Variants in TMEM51 observed in about 807,000 individuals in gnomAD.
TMEM51 encodes chromosome 1 open reading frame 72.
Under a neutral mutation model 13.6 loss-of-function variants are expected in TMEM51, and 8 were observed. The ratio of observed to expected loss-of-function variants is 0.59; its 90% confidence interval spans 0.35 to 1.07. The LOEUF (loss-of-function observed/expected upper bound fraction) is 1.07, where lower values mean the gene tolerates loss of function less well. Among genes scored for constraint, TMEM51 ranks in the 50% least tolerant of loss-of-function variants. The pLI is 0.02. For missense variants in TMEM51, 279 were observed against 330.7 expected, an observed-to-expected ratio of 0.84 and a Z score of 1.21; for synonymous variants, 147 against 144.4, an observed-to-expected ratio of 1.02 and a Z score of -0.13.
intron 1 of TMEM51, among the ~76,000 whole-genome samples, chr1:15,180,137 C>T (rs543118484): frequency 2.3e-4 from 35 of 152,324 alleles, no homozygotes; most frequent in South Asian, 2.3e-3. Flanking sequence ...GCCCAGCCTG[C>T]GGTGGGCACC....
intron 1 of TMEM51, among the ~76,000 whole-genome samples, chr1:15,159,546 C>G (rs1484103388): frequency 6.6e-6 from 1 of 152,148 alleles, no homozygotes; most frequent in Non-Finnish European, 1.5e-5. Flanking sequence ...CCTGTTCTGG[C>G]ATTTCTTTTT....
At chr1:15,181,664 G>A (rs1439654866) in intron 1 of TMEM51, among the ~76,000 whole-genome samples, 1 of 152,216 alleles carries the variant, frequency 6.6e-6, no homozygotes, top group African/African-American at 2.4e-5. Flanking sequence ...ACCAGACGGG[G>A]CTCAAGGTGA....
intron 1 of TMEM51, among the ~76,000 whole-genome samples, chr1:15,167,072 A>G (rs1331060283): frequency 6.6e-6 from 1 of 152,156 alleles, no homozygotes; most frequent in African/African-American, 2.4e-5. Context: ...TCACGCCTGT[A>G]ATCCCAGCAC....
intron 1 of TMEM51, among the ~76,000 whole-genome samples, chr1:15,178,988 C>G (rs965368019): frequency 1.3e-5 from 2 of 152,168 alleles, no homozygotes; most frequent in Admixed American, 6.5e-5. Context: ...GTTCAACTTT[C>G]AAAGCTAAAT....
chr1:15,167,187 C>T (rs1242273823), intron 1 of TMEM51, among the ~76,000 whole-genome samples: 2 of 151,888 alleles, frequency 1.3e-5, no homozygotes, highest in Non-Finnish European at 1.5e-5. Flanking sequence ...ATTAGCCAGG[C>T]GTGGTGGCGG....
intron 1 of TMEM51, among the ~76,000 whole-genome samples, chr1:15,176,569 G>A (rs1264950862): frequency 1.3e-5 from 2 of 152,208 alleles, no homozygotes; most frequent in African/African-American, 4.8e-5. Context: ...GCAGAGGCTG[G>A]AAGATAGACC....
intron 1 of TMEM51, among the ~76,000 whole-genome samples, chr1:15,176,988 G>A (rs1010254671): frequency 1.3e-5 from 2 of 152,190 alleles, no homozygotes; most frequent in East Asian, 1.9e-4. Context: ...ATGGATATGG[G>A]CGGGAGTTGC....
intron 3 of TMEM51, among the ~76,000 whole-genome samples, chr1:15,216,969 T>G (rs1644441669): frequency 6.6e-6 from 1 of 152,230 alleles, no homozygotes; most frequent in Non-Finnish European, 1.5e-5. Context: ...TTTCTTTTCT[T>G]CATTAGATGT....
In TMEM51 at chr1:15,207,799, A is replaced by G. The variant is rs907984073; in HGVS notation, c.-266-2691A>G. ...GGAATACTGATACAGTCACTTTCTC[A>G]GGTCACAACGGAAATCACATTTATT... On this transcript the variant is annotated intron_variant, in intron 1 of 3. Transcript: ENST00000376008. This position sits in a 1 kb window ranked among gnomAD's most constrained non-coding sequence, Gnocchi z 4.6. Among the ~76,000 whole-genome samples the G allele has an allele frequency of 6.6e-6, 1 of 152,208 alleles. No individual in the cohort carries two copies. The highest frequency in any genetic ancestry group is 6.5e-5 in the Admixed American group (1 of 15,284).
At chr1:15,200,408 A>C (rs1044105663) in intron 1 of TMEM51, among the ~76,000 whole-genome samples, 1 of 16,536 alleles carries the variant, frequency 6.0e-5, no homozygotes, top group Non-Finnish European at 1.1e-4. Flanking sequence ...ACTCTGTCTC[A>C]AAAAAAAAAA....
chr1:15,178,752 C>T (rs1643524584), intron 1 of TMEM51, among the ~76,000 whole-genome samples: 1 of 152,204 alleles, frequency 6.6e-6, no homozygotes, highest in Admixed American at 6.5e-5. Context: ...TGACTCTAAC[C>T]ACCTTGCTTT....
intron 1 of TMEM51, among the ~76,000 whole-genome samples, chr1:15,188,236 G>A (rs558741239): frequency 4.6e-5 from 7 of 152,276 alleles, no homozygotes; most frequent in African/African-American, 1.7e-4. Flanking sequence ...ACGGCCACCA[G>A]CAGCTGCAGG....
At chr1:15,200,391 G>C (rs908971986) in intron 1 of TMEM51, among the ~76,000 whole-genome samples, 2 of 124,908 alleles carry the variant, frequency 1.6e-5, no homozygotes, top group East Asian at 5.1e-4. Context: ...CTGGGCAACA[G>C]AGCGAGACTC....
At chr1:15,182,127 C>T (rs1309370481) in intron 1 of TMEM51, among the ~76,000 whole-genome samples, 1 of 151,854 alleles carries the variant, frequency 6.6e-6, no homozygotes, top group African/African-American at 2.4e-5. Flanking sequence ...CGCCATTGCA[C>T]TCCAACCTGG....
At chr1:15,197,798 C>T (rs984112602) in intron 1 of TMEM51, among the ~76,000 whole-genome samples, 1 of 152,076 alleles carries the variant, frequency 6.6e-6, no homozygotes, top group African/African-American at 2.4e-5. Flanking sequence ...TAGCCCTCCA[C>T]TTCCCTGATC....
rs1175813177 is a variant in TMEM51 at position 15,161,083 on chromosome 1, C to T, written c.-267+7129C>T. On this transcript the variant is annotated intron_variant, in intron 1 of 3. Coordinates refer to ENST00000376008, the MANE Select transcript of TMEM51 (RefSeq NM_001136218.2). The surrounding 1 kb of genome is among the most constrained non-coding windows in gnomAD (Gnocchi z 4.0). ...AAGGTCTTCCTGGTGGAGGCAACTG[C>T]CTGTGCAAAGGCCTCAAGGTGTAAA... is the stretch of plus-strand genomic sequence containing the variant. 2.6e-5 allele frequency among the ~76,000 whole-genome samples: 4 copies of T among 152,078 alleles called. No individual in the cohort carries two copies. Among genetic ancestry groups the T allele is most frequent in the Non-Finnish European group, 5.9e-5 (4 of 68,046 alleles).
At chr1:15,206,132 G>A (rs551734883) in intron 1 of TMEM51, among the ~76,000 whole-genome samples, 2 of 151,922 alleles carry the variant, frequency 1.3e-5, no homozygotes, top group Admixed American at 6.6e-5. Context: ...AGCTCCTCGG[G>A]GGCCGAGGTG....
At chr1:15,214,784 C>A (rs919377177) in intron 2 of TMEM51, 111 bp from the exon 3 acceptor site, 1 of 341,564 alleles carries the variant, frequency 2.9e-6, no homozygotes. Context: ...CAGCCAGAGC[C>A]GGCGTGCTCG....
At chr1:15,186,531 T>A (rs1643782118) in intron 1 of TMEM51, among the ~76,000 whole-genome samples, 1 of 152,140 alleles carries the variant, frequency 6.6e-6, no homozygotes, top group Non-Finnish European at 1.5e-5. Context: ...ACTCTGCCGA[T>A]AGGGGAAATG....
Sources: gnomAD v4.1 joint callset for allele counts (sites outside exome capture counted in the v4.1 genomes callset) on GRCh38, gnomAD v4.1.1 for gene constraint, Gnocchi (gnomAD v3.1) non-coding constraint, MANE v1.5 for transcripts, NCBI Gene and HGNC (gene_info 2026-07-23, HGNC 2026-07-21) for gene names.